Variants in LPAR1 observed in about 807,000 individuals in gnomAD.
LPAR1 encodes LPA receptor 1.
In LPAR1, 5 loss-of-function variants were observed where a neutral mutation model predicts 23.8. The ratio of observed to expected loss-of-function variants is 0.21; its 90% CI spans 0.11 to 0.44. LPAR1 has a LOEUF of 0.44. LPAR1 is among the 20% of genes least tolerant of loss of function. The pLI, the probability that LPAR1 is intolerant of heterozygous loss-of-function variation, is 0.99. For missense variants in LPAR1, 311 were observed against 482.8 expected (o/e 0.64, Z 3.33); for synonymous variants, 160 against 164.7 (o/e 0.97, Z 0.22).
At chr9:110,959,404 T>C (rs1000354064) in intron 4 of LPAR1, among the ~76,000 whole-genome samples, 1 of 151,894 alleles carries the variant, frequency 6.6e-6, no homozygotes, top group Non-Finnish European at 1.5e-5. Context: ...TTGCTTGAGC[T>C]TAGGAGTTCA....
chr9:111,022,145 A>C (rs1007978568), intron 2 of LPAR1, among the ~76,000 whole-genome samples: 2 of 152,112 alleles, frequency 1.3e-5, no homozygotes, highest in South Asian at 4.2e-4. Flanking sequence ...GTTTGGCCTG[A>C]GCTTGTTGGA....
intron 5 of LPAR1, among the ~76,000 whole-genome samples, chr9:110,929,623 C>T (rs187582903): frequency 3.5e-4 from 53 of 151,236 alleles, no homozygotes; most frequent in African/African-American, 1.3e-3. Flanking sequence ...AATATGGAAG[C>T]CTATAAGACA....
intron 2 of LPAR1, among the ~76,000 whole-genome samples, chr9:111,016,586 C>G (rs2097451715): frequency 6.6e-6 from 1 of 152,188 alleles, no homozygotes; most frequent in Non-Finnish European, 1.5e-5. Flanking sequence ...TCATGCTACT[C>G]TCAGTCAAGT....
chr9:110,941,864 G>C lies in LPAR1; in HGVS notation c.350C>G (p.Thr117Ser). The part of the protein sequence containing the change: ...FNTGPNTRRL[T>S]VSTWLLRQGL... The stretch of plus-strand genomic sequence containing the variant: ...CTGACGAAGGAGCCATGTGCTAACA[G>C]TCAGTCTCCGAGTATTGGGTCCTGT... Residue 117 changes from threonine (T) to serine (S), a missense_variant, in exon 5 of 6, where the codon ACT becomes AGT. Coordinates refer to ENST00000683809, the MANE Select transcript of LPAR1 (RefSeq NM_001351411.2). This position sits in a 1 kb window ranked among gnomAD's most constrained non-coding sequence, Gnocchi z 6.1. The C allele has an allele frequency of 1.2e-6, 2 of 1,614,250 alleles. No individual in the cohort carries two copies. The highest frequency in any genetic ancestry group is 1.7e-6 in the Non-Finnish European group (2 of 1,180,036).
In LPAR1 at chr9:110,972,447, T is replaced by C. The variant is rs547721899; in HGVS notation, c.-103-227A>G. On this transcript the variant is annotated intron_variant, in intron 3 of 5. Transcript: ENST00000683809. ...AATTTTCATAGGTTTGAATCCAACATCCCAGCTAGATGTTTTGGGAAGACA... is the reference window on the plus strand; with the variant it reads ...AATTTTCATAGGTTTGAATCCAACACCCCAGCTAGATGTTTTGGGAAGACA... Among the ~76,000 whole-genome samples, 8 of 152,252 alleles carry C rather than the reference T, an allele frequency of 5.3e-5. No homozygotes were observed. In the East Asian group the frequency reaches 1.5e-3, roughly 29 times the overall value.
intron 1 of LPAR1, among the ~76,000 whole-genome samples, 187 bp from the exon 2 acceptor site, chr9:111,036,388 A>G (rs2097895323): frequency 6.6e-6 from 1 of 152,028 alleles, no homozygotes; most frequent in African/African-American, 2.4e-5. Context: ...AAAAAAAAAA[A>G]AAAAAGAGGA....
At position 110,875,230 on chromosome 9, in the gene LPAR1, T is replaced by C; in HGVS notation, c.*191A>G. The C allele has an allele frequency of 1.9e-6, 1 of 514,480 alleles. No homozygotes were observed. Among genetic ancestry groups the C allele is most frequent in the South Asian group, 3.7e-5 (1 of 27,284 alleles). 31.9% of individuals were successfully genotyped at this position (514,480 alleles called of 1,614,324 possible). On this transcript the variant is annotated 3_prime_UTR_variant, in exon 6 of 6. Transcript: ENST00000683809. ...GGGATGGGGATCAAGATGAGGGTTGTCACATAAGCTAATTTTCAATATATA... is the reference window on the plus strand; with the variant it reads ...GGGATGGGGATCAAGATGAGGGTTGCCACATAAGCTAATTTTCAATATATA...
At chr9:110,898,127 A>G (rs1221440963) in intron 5 of LPAR1, among the ~76,000 whole-genome samples, 1 of 152,226 alleles carries the variant, frequency 6.6e-6, no homozygotes, top group Non-Finnish European at 1.5e-5. Flanking sequence ...AGTGAAAGCC[A>G]TGGCTCTATC....
intron 5 of LPAR1, among the ~76,000 whole-genome samples, chr9:110,883,446 A>T (rs1252383165): frequency 6.6e-6 from 1 of 152,212 alleles, no homozygotes; most frequent in African/African-American, 2.4e-5. Context: ...AAAATTTTTT[A>T]AAAAGGAAGG....
At chr9:110,951,278 A>T (rs992643941) in intron 4 of LPAR1, among the ~76,000 whole-genome samples, 1 of 152,118 alleles carries the variant, frequency 6.6e-6, no homozygotes, top group South Asian at 2.1e-4. Flanking sequence ...TCTAAATATG[A>T]CCAAAAAGCA....
Position 110,892,767 on chromosome 9 carries a change from G to GGGAA in LPAR1, c.794-17049_794-17046dup, listed in dbSNP as rs757546909. 9.6e-3 allele frequency among the ~76,000 whole-genome samples: 931 copies of GGGAA among 97,166 alleles called. 32 individuals are homozygous for GGGAA. Among genetic ancestry groups the GGGAA allele is most frequent in the African/African-American group, 0.013 (323 of 24,832 alleles). 63.7% of individuals were successfully genotyped at this position (97,166 alleles called of 152,430 possible). A position where few individuals can be genotyped will look rare whatever the true frequency, so the allele number is the denominator to read the frequency against. ...AAGAGGGAGGGAGGAAGGGGAGGAA[G>GGGAA]GGAAGGAAGGAAGGAAGGAAGGAAG... On this transcript the variant is annotated intron_variant, in intron 5 of 5. Coordinates refer to ENST00000683809, the MANE Select transcript of LPAR1 (RefSeq NM_001351411.2).
chr9:110,904,559 T>C (rs1188739594), intron 5 of LPAR1, among the ~76,000 whole-genome samples: 1 of 152,148 alleles, frequency 6.6e-6, no homozygotes, highest in Non-Finnish European at 1.5e-5. Flanking sequence ...ATTCTGCATA[T>C]CAAATGACTC....
intron 2 of LPAR1, among the ~76,000 whole-genome samples, chr9:110,991,579 T>TTTGTTG (rs199560980): frequency 0.037 from 2,676 of 73,018 alleles, 33 homozygotes; most frequent in African/African-American, 0.058. Context: ...TCTGGTTTGT[T>TTTGTTG]TTGTTGTTGT....
intron 5 of LPAR1, among the ~76,000 whole-genome samples, chr9:110,909,298 G>A (rs933411720): frequency 6.6e-6 from 1 of 152,132 alleles, no homozygotes; most frequent in Non-Finnish European, 1.5e-5. Context: ...CAAACCCCGG[G>A]TGTTTCAGTA....
chr9:111,023,050 C>CAAA (rs1202582519), intron 2 of LPAR1, among the ~76,000 whole-genome samples: 10 of 104,768 alleles, frequency 9.5e-5, no homozygotes, highest in African/African-American at 3.5e-4. Flanking sequence ...GACTCCGTCT[C>CAAA]AACAAAAAAA....
rs1196595365 is a variant in LPAR1, at chr9:110,873,636, C to T, written c.*1785G>A. ...TTGTTACAGCAAACTGATGCAACTA[C>T]TAGTCTACCTGGACAACATATTAAA... On this transcript the variant is annotated 3_prime_UTR_variant, in exon 6 of 6. Transcript: ENST00000683809. The T allele has an allele frequency of 6.6e-6, 1 of 152,216 alleles. No individual in the cohort carries two copies. The highest frequency in any genetic ancestry group is 1.5e-5 in the Non-Finnish European group (1 of 68,066). The allele number at this position is 152,216 out of a possible 1,614,324, so 9.4% of individuals were successfully genotyped here.
chr9:110,875,644 G>A lies in LPAR1; in HGVS notation c.872C>T (p.Ala291Val), dbSNP rs1319000225. ...AAGGAGAAGGAAGAATTTCTCATAGGCCAGCACGTCGCACTGTGGACAGCA... is the reference window on the plus strand; with the variant it reads ...AAGGAGAAGGAAGAATTTCTCATAGACCAGCACGTCGCACTGTGGACAGCA... ...DVCCPQCDVLAYEKFFLLLAE... is the reference protein window; with the variant it reads ...DVCCPQCDVLVYEKFFLLLAE... Residue 291 changes from alanine (A) to valine (V), a missense_variant, in exon 6 of 6, where the codon GCC becomes GTC. Transcript: ENST00000683809. 9 of 1,613,862 alleles carry A rather than the reference G, an allele frequency of 5.6e-6. No homozygotes were observed. The highest frequency in any genetic ancestry group is 1.6e-4 in the Middle Eastern group (1 of 6,082).
intron 5 of LPAR1, among the ~76,000 whole-genome samples, chr9:110,878,389 A>T (rs974058571): frequency 5.9e-5 from 9 of 152,202 alleles, no homozygotes; most frequent in Non-Finnish European, 1.2e-4. Flanking sequence ...TGAGGTTCCT[A>T]ACCCACAATG....
At chr9:110,992,858 AAAC>A (rs2096922920) in intron 2 of LPAR1, among the ~76,000 whole-genome samples, 1 of 152,196 alleles carries the variant, frequency 6.6e-6, no homozygotes, top group Admixed American at 6.5e-5. Context: ...GAAGGATTTC[AAAC>A]AACAGGAGAA....
Sources: allele counts gnomAD v4.1 joint callset (sites outside exome capture counted in the v4.1 genomes callset), GRCh38; gene constraint gnomAD v4.1.1; non-coding constraint Gnocchi (gnomAD v3.1); transcripts MANE v1.5; gene names NCBI Gene and HGNC (gene_info 2026-07-23, HGNC 2026-07-21).